Variants in RARB observed in about 807,000 individuals in gnomAD.
RARB encodes retinoic acid receptor beta.
RARB carries 17 observed loss-of-function variants against 51.9 expected under a neutral mutation model. The ratio of observed to expected loss-of-function variants is 0.33; its 90% CI spans 0.22 to 0.49. The LOEUF (loss-of-function observed/expected upper bound fraction) is 0.49, where lower values mean the gene tolerates loss of function less well. Among genes scored for constraint, RARB ranks in the 20% least tolerant of loss-of-function variants. The probability of loss-of-function intolerance (pLI) is 0.99; values close to 1 mark genes in which losing one functional copy is unlikely to be tolerated. For missense variants in RARB, 369 were observed against 550.8 expected (o/e 0.67, Z 3.30); for synonymous variants, 215 against 195.4 (o/e 1.10, Z -0.84).
In RARB at chr3:25,146,498, TG is replaced by T. The variant is rs1304620277; in HGVS notation, c.-280+14291del. On this transcript the variant is annotated intron_variant, in intron 4 of 11. Transcript: ENST00000383772. The stretch of plus-strand genomic sequence containing the variant: ...GCAGGCTATAATTTGCTAAGTTTTT[TG>T]TTTGTTTGTTTGTTTTTTTTTTTTT... 4.2e-3 allele frequency among the ~76,000 whole-genome samples: 520 copies of T among 124,928 alleles called. 11 individuals are homozygous for T. Among genetic ancestry groups the T allele is most frequent in the South Asian group, 0.019 (77 of 4,126 alleles). The allele number at this position is 124,928 out of a possible 152,430, so 82.0% of individuals were successfully genotyped here. A position where few individuals can be genotyped will look rare whatever the true frequency, so the allele number is the denominator to read the frequency against.
intron 2 of RARB, chr3:25,020,547 T>C (rs1051776415): frequency 6.6e-5 from 10 of 152,096 alleles, no homozygotes; most frequent in Non-Finnish European, 1.5e-4. Context: ...TCGTCTAATA[T>C]ATCCTTCCCT....
chr3:25,124,326 A>G (rs1274556828), intron 3 of RARB, among the ~76,000 whole-genome samples: 1 of 152,196 alleles, frequency 6.6e-6, no homozygotes, highest in Non-Finnish European at 1.5e-5. Context: ...GAGAGCCAAG[A>G]TCATGCCACT....
In RARB at chr3:25,227,915, T is replaced by A. The variant is rs532033369; in HGVS notation, c.178+53340T>A. ...GTCTTTAAAAGTGACTGAACCCGTG[T>A]CTGGGTATATTAGTTTTGTTTTTCT... is the stretch of plus-strand genomic sequence containing the variant. On this transcript the variant is annotated intron_variant, in intron 5 of 11. Transcript: ENST00000383772. 5.9e-5 allele frequency among the ~76,000 whole-genome samples: 9 copies of A among 152,252 alleles called. No individual in the cohort carries two copies. In the East Asian group the frequency reaches 1.7e-3, roughly 29 times the overall value.
intron 5 of RARB, among the ~76,000 whole-genome samples, chr3:25,302,334 C>G (rs186552040): frequency 6.6e-5 from 10 of 152,274 alleles, no homozygotes; most frequent in African/African-American, 2.4e-4. Context: ...AAAGTTCTTG[C>G]AGCATTATTC....
At chr3:25,202,355 A>C (rs1000700439) in intron 5 of RARB, among the ~76,000 whole-genome samples, 19 of 151,500 alleles carry the variant, frequency 1.3e-4, no homozygotes, top group Non-Finnish European at 2.7e-4. Context: ...TTAGTGGTCT[A>C]TCCATTTTGT....
intron 2 of RARB, among the ~76,000 whole-genome samples, chr3:24,920,991 T>G (rs76471525): frequency 0.011 from 1,603 of 152,268 alleles, 24 homozygotes; most frequent in African/African-American, 0.035. Flanking sequence ...GTTCCACTAT[T>G]ATAGTCATGT....
chr3:24,918,184 G>A (rs760129208), intron 2 of RARB, among the ~76,000 whole-genome samples: 9 of 152,080 alleles, frequency 5.9e-5, no homozygotes, highest in African/African-American at 1.9e-4. Context: ...AAACAAAAAC[G>A]GTACCTCCGT....
In RARB at chr3:25,201,323, A is replaced by G. The variant is rs1701384302; in HGVS notation, c.178+26748A>G. On this transcript the variant is annotated intron_variant, in intron 5 of 11. Coordinates refer to the RARB transcript ENST00000383772. ...TGAAGTTGCTTATCAGCTTAAGGCG[A>G]TTTTGGGCTGAGACGATGGGGTTTT... Among the ~76,000 whole-genome samples the G allele has an allele frequency of 2.0e-5, 3 of 152,228 alleles. No homozygotes were observed. The South Asian group carries it at 6.2e-4, about 32-fold the overall frequency.
Position 25,338,096 on chromosome 3 carries a change from AACACACACACACACACAC to A in RARB, c.179-123075_179-123058del, listed in dbSNP as rs10523484. On this transcript the variant is annotated intron_variant, in intron 5 of 11. Transcript: ENST00000383772. ...GTATGTCACCCCCCTCCAAACCCCC[AACACACACACACACACAC>A]ACACACACACACACACACACAGAAT... Among the ~76,000 whole-genome samples the A allele has an allele frequency of 1.5e-3, 211 of 144,052 alleles. 1 individual carries two copies. Among genetic ancestry groups the A allele is most frequent in the Middle Eastern group, 3.5e-3 (1 of 284 alleles). The allele number at this position is 144,052 out of a possible 152,430, so 94.5% of individuals were successfully genotyped here. A position where few individuals can be genotyped will look rare whatever the true frequency, so the allele number is the denominator to read the frequency against.
At chr3:25,099,351 G>A (rs1699356384) in intron 3 of RARB, among the ~76,000 whole-genome samples, 1 of 152,108 alleles carries the variant, frequency 6.6e-6, no homozygotes, top group Non-Finnish European at 1.5e-5. Flanking sequence ...CCTTGGGAAA[G>A]GGGAGGGCTA....
intron 3 of RARB, among the ~76,000 whole-genome samples, chr3:25,060,417 G>A (rs377257693): frequency 1.4e-4 from 21 of 151,842 alleles, no homozygotes; most frequent in African/African-American, 4.1e-4. Context: ...CTGCTAACAC[G>A]TGGATGGTAT....
chr3:25,291,965 C>T (rs889961517), intron 5 of RARB, among the ~76,000 whole-genome samples: 4 of 152,060 alleles, frequency 2.6e-5, no homozygotes, highest in African/African-American at 7.2e-5. Flanking sequence ...ATTGACAGAA[C>T]CACTCCTCTC....
In RARB at chr3:25,238,080, C is replaced by A. The variant is rs114124288; in HGVS notation, c.178+63505C>A. ...ATTGCTGTTACCTTCTTCTGTCAAA[C>A]ATTAGAATTTATTCCTTCTATTTAA... On this transcript the variant is annotated intron_variant, in intron 5 of 11. Coordinates refer to the RARB transcript ENST00000383772. 9.1e-3 allele frequency among the ~76,000 whole-genome samples: 1,382 copies of A among 152,194 alleles called. 25 individuals carry two copies. Among genetic ancestry groups the A allele is most frequent in the African/African-American group, 0.032 (1,320 of 41,534 alleles).
At chr3:25,026,546 G>A (rs1292274860) in intron 2 of RARB, among the ~76,000 whole-genome samples, 1 of 152,140 alleles carries the variant, frequency 6.6e-6, no homozygotes, top group Non-Finnish European at 1.5e-5. Context: ...AAGGACATCA[G>A]TCAGATTGGA....
At chr3:25,018,992 T>C (rs1208072546) in intron 2 of RARB, among the ~76,000 whole-genome samples, 1 of 152,226 alleles carries the variant, frequency 6.6e-6, no homozygotes, top group Non-Finnish European at 1.5e-5. Flanking sequence ...ACATTTGTGA[T>C]TGGCTTGAAA....
chr3:24,878,694 C>T (rs1183155727), intron 2 of RARB, among the ~76,000 whole-genome samples: 4 of 152,038 alleles, frequency 2.6e-5, no homozygotes, highest in Non-Finnish European at 5.9e-5. Context: ...CCATATATGC[C>T]AAATGTGTCT....
At chr3:25,331,620 GAAGCA>G in intron 5 of RARB, among the ~76,000 whole-genome samples, 1 of 152,188 alleles carries the variant, frequency 6.6e-6, no homozygotes, top group South Asian at 2.1e-4. Flanking sequence ...AAAGAACTGA[GAAGCA>G]AGAGCAGACA....
intron 3 of RARB, among the ~76,000 whole-genome samples, chr3:25,110,483 A>G (rs1699583610): frequency 6.6e-6 from 1 of 152,210 alleles, no homozygotes. Flanking sequence ...CATTTCAGAA[A>G]TGCTTTAAAA....
At chr3:25,114,820 A>G (rs1575166920) in intron 3 of RARB, among the ~76,000 whole-genome samples, 2 of 152,136 alleles carry the variant, frequency 1.3e-5, no homozygotes, top group African/African-American at 4.8e-5. Flanking sequence ...ACAGTGGAAC[A>G]CTCTTTAAAA....
Sources: gnomAD v4.1 joint callset for allele counts (sites outside exome capture counted in the v4.1 genomes callset) on GRCh38, gnomAD v4.1.1 for gene constraint, MANE v1.5 for transcripts, NCBI Gene and HGNC (gene_info 2026-07-23, HGNC 2026-07-21) for gene names.